SH3GL2: variants seen among roughly 807,000 people sequenced by gnomAD.
The protein encoded by SH3GL2 is endophilin-A1.
SH3GL2 carries 24 observed loss-of-function variants against 46.0 expected under a neutral mutation model. The ratio of observed to expected loss-of-function variants is 0.52; its 90% CI spans 0.38 to 0.73. The LOEUF is 0.73. SH3GL2 is among the 30% of genes least tolerant of loss of function. The pLI is 0.00. For synonymous variants in SH3GL2, 196 were observed against 147.1 expected, an observed-to-expected ratio of 1.33 and a Z score of -2.40; for missense variants, 413 against 424.2, an observed-to-expected ratio of 0.97 and a Z score of 0.23.
intron 1 of SH3GL2, among the ~76,000 whole-genome samples, chr9:17,653,238 T>C (rs935220911): frequency 6.6e-6 from 1 of 152,186 alleles, no homozygotes; most frequent in Non-Finnish European, 1.5e-5. Context: ...CTCGCATTGC[T>C]GTTTTCTTTT....
chr9:17,674,807 A>G (rs753397186), intron 1 of SH3GL2, among the ~76,000 whole-genome samples: 4 of 152,040 alleles, frequency 2.6e-5, no homozygotes, highest in Admixed American at 6.6e-5. Context: ...GTTTCTTTCC[A>G]TGGCAGTCTC....
chr9:17,772,704 G>A (rs1189856329), intron 3 of SH3GL2, among the ~76,000 whole-genome samples: 1 of 152,178 alleles, frequency 6.6e-6, no homozygotes, highest in African/African-American at 2.4e-5. Context: ...ATAGTATTCT[G>A]TTGTGTGTAA....
intron 1 of SH3GL2, among the ~76,000 whole-genome samples, chr9:17,588,049 G>A (rs1818413428): frequency 1.3e-5 from 2 of 152,142 alleles, no homozygotes; most frequent in African/African-American, 4.8e-5. Context: ...CTTAACAAGA[G>A]GGCCTGATAC....
intron 3 of SH3GL2, among the ~76,000 whole-genome samples, chr9:17,772,418 G>A (rs9407854): frequency 0.1 from 15,196 of 151,978 alleles, 847 homozygotes; most frequent in Non-Finnish European, 0.11. Context: ...ATAATGTTGC[G>A]TAATCACCAC....
At chr9:17,605,570 A>G (rs1198450609) in intron 1 of SH3GL2, among the ~76,000 whole-genome samples, 2 of 152,184 alleles carry the variant, frequency 1.3e-5, no homozygotes, top group Non-Finnish European at 2.9e-5. Flanking sequence ...CCTGAGAGCT[A>G]GCAAAAAACA....
At chr9:17,689,702 A>G (rs747525641) in intron 1 of SH3GL2, among the ~76,000 whole-genome samples, 2 of 151,868 alleles carry the variant, frequency 1.3e-5, no homozygotes, top group African/African-American at 2.4e-5. Context: ...CTGAATCTTC[A>G]TGTATATCGT....
intron 1 of SH3GL2, among the ~76,000 whole-genome samples, chr9:17,657,285 C>T (rs1175793238): frequency 6.6e-6 from 1 of 152,120 alleles, no homozygotes; most frequent in Non-Finnish European, 1.5e-5. Context: ...TTTTAATATA[C>T]TGTAGTGAAT....
chr9:17,707,914 C>A (rs1196226251), intron 1 of SH3GL2, among the ~76,000 whole-genome samples: 2 of 152,046 alleles, frequency 1.3e-5, no homozygotes, highest in East Asian at 3.9e-4. Flanking sequence ...TCACGTGTCT[C>A]CCAAATCCAA....
intron 1 of SH3GL2, among the ~76,000 whole-genome samples, chr9:17,642,549 C>T (rs56902114): frequency 6.6e-6 from 1 of 152,094 alleles, no homozygotes; most frequent in African/African-American, 2.4e-5. Flanking sequence ...AGGAAGGGGT[C>T]CAGTTTCAGT....
chr9:17,714,154 A>G (rs1013770351), intron 1 of SH3GL2, among the ~76,000 whole-genome samples: 4 of 151,644 alleles, frequency 2.6e-5, no homozygotes, highest in Admixed American at 6.6e-5. Flanking sequence ...AATAGTCCTT[A>G]CTATGGTGTA....
chr9:17,678,816 T>C (rs529137766), intron 1 of SH3GL2, among the ~76,000 whole-genome samples: 1 of 152,300 alleles, frequency 6.6e-6, no homozygotes, highest in African/African-American at 2.4e-5. Flanking sequence ...GTATAAGGTG[T>C]AAGGAAGGGA....
chr9:17,745,668 G>A (rs923214747), intron 1 of SH3GL2, among the ~76,000 whole-genome samples: 1 of 152,078 alleles, frequency 6.6e-6, no homozygotes, highest in Non-Finnish European at 1.5e-5. Context: ...CAGATAGAGG[G>A]GGTAAGCAAC....
intron 1 of SH3GL2, among the ~76,000 whole-genome samples, chr9:17,712,256 A>G (rs1430980333): frequency 2.6e-5 from 4 of 151,858 alleles, no homozygotes; most frequent in East Asian, 1.9e-4. Context: ...CTCCACATCT[A>G]TGGCTTGACT....
chr9:17,779,369 G>A (rs1293182861), intron 3 of SH3GL2, among the ~76,000 whole-genome samples: 4 of 152,126 alleles, frequency 2.6e-5, no homozygotes, highest in Non-Finnish European at 4.4e-5. Context: ...GAAATTTGAC[G>A]GAATGGGAAA....
rs149058140 is a variant in SH3GL2 at position 17,719,662 on chromosome 9, A to G, written c.46-27404A>G. ...AAAAAATTTATCTTGGCATGGTGGC[A>G]TGCACCTGTGGTCCTGGCTATTTGG... is the stretch of plus-strand genomic sequence containing the variant. On this transcript the variant is annotated intron_variant, in intron 1 of 8. Transcript: ENST00000380607. Among the ~76,000 whole-genome samples, 457 of 152,094 alleles carry G rather than the reference A, an allele frequency of 3.0e-3. 8 individuals carry two copies. The highest frequency in any genetic ancestry group is 1.0e-2 in the African/African-American group (415 of 41,502).
chr9:17,756,511 T>G (rs1482613252), intron 2 of SH3GL2, among the ~76,000 whole-genome samples: 1 of 134,116 alleles, frequency 7.5e-6, no homozygotes, highest in South Asian at 2.6e-4. Context: ...ATGTGTGATG[T>G]TCCCCTTCCT....
chr9:17,741,145 A>G (rs1822517090), intron 1 of SH3GL2, among the ~76,000 whole-genome samples: 1 of 152,190 alleles, frequency 6.6e-6, no homozygotes, highest in South Asian at 2.1e-4. Flanking sequence ...ACCTATGCAT[A>G]CTTAATTTAT....
Position 17,720,380 on chromosome 9 carries a change from C to G in SH3GL2, c.46-26686C>G, listed in dbSNP as rs984911577. ...TTCGCAAATCAGGCAGCCCCCGAAC[C>G]AAAATACGTTGAAAGAGCTTTGGCC... is the stretch of plus-strand genomic sequence containing the variant. On this transcript the variant is annotated intron_variant, in intron 1 of 8. Transcript: ENST00000380607. Among the ~76,000 whole-genome samples, 7 of 152,188 alleles carry G rather than the reference C, an allele frequency of 4.6e-5. No homozygotes were observed. In the East Asian group the frequency reaches 9.7e-4, roughly 21 times the overall value.
chr9:17,772,221 C>T (rs1468000620), intron 3 of SH3GL2, among the ~76,000 whole-genome samples: 1 of 152,070 alleles, frequency 6.6e-6, no homozygotes, highest in Non-Finnish European at 1.5e-5. Context: ...TATTAAGCCC[C>T]AAATCTTATT....
Sources: allele counts gnomAD v4.1 joint callset (sites outside exome capture counted in the v4.1 genomes callset), GRCh38; gene constraint gnomAD v4.1.1; transcripts MANE v1.5; gene names NCBI Gene and HGNC (gene_info 2026-07-23, HGNC 2026-07-21).